The following NELL1 variants were observed in gnomAD, a reference collection of about 807,000 sequenced individuals.
NELL1 encodes neural EGFL like 1, also known as protein kinase C-binding protein NELL1.
A neutral mutation model predicts 107.4 loss-of-function variants in NELL1; 76 were observed. The ratio of observed to expected loss-of-function variants is 0.71; its 90% CI spans 0.59 to 0.86. NELL1 has a LOEUF of 0.86. Ranked by LOEUF, NELL1 falls within the 40% of genes least tolerant of loss-of-function variation. NELL1 has a pLI of 0.00. For synonymous variants in NELL1, 353 were observed against 341.2 expected (o/e 1.03, Z -0.38); for missense variants, 1,024 against 1,005.5 (o/e 1.02, Z -0.25).
chr11:21,203,789 T>C (rs1457762253), intron 13 of NELL1, among the ~76,000 whole-genome samples: 2 of 152,212 alleles, frequency 1.3e-5, no homozygotes, highest in African/African-American at 4.8e-5. Context: ...TCAGGAACTC[T>C]TGTAAGGCCG....
intron 7 of NELL1, among the ~76,000 whole-genome samples, chr11:20,925,853 T>C (rs1850485091): frequency 1.3e-5 from 2 of 152,216 alleles, no homozygotes; most frequent in Admixed American, 1.3e-4. Flanking sequence ...AGGTTAGAAT[T>C]ACATGTGGAT....
chr11:21,173,649 C>T (rs1347163010), intron 13 of NELL1, among the ~76,000 whole-genome samples: 1 of 151,838 alleles, frequency 6.6e-6, no homozygotes, highest in Non-Finnish European at 1.5e-5. Context: ...GAGGCAAGCA[C>T]ATGAACAGAT....
At position 20,755,234 on chromosome 11, in the gene NELL1, A is replaced by T. The variant is rs1037059543; in HGVS notation, c.185-28446A>T. Among the ~76,000 whole-genome samples the T allele has an allele frequency of 5.2e-4, 79 of 152,292 alleles. 1 individual carries two copies. The highest frequency in any genetic ancestry group is 9.8e-4 in the Non-Finnish European group (67 of 68,026). ...TAAAAACCCAGCTCATTTTGACTGA[A>T]GCAGGCAGAAAACTAGCTGAGAGAA... On this transcript the variant is annotated intron_variant, in intron 2 of 19. Transcript: ENST00000357134.
At chr11:20,704,427 C>G (rs552216334) in intron 2 of NELL1, among the ~76,000 whole-genome samples, 25 of 152,262 alleles carry the variant, frequency 1.6e-4, no homozygotes, top group African/African-American at 4.8e-4. Context: ...CTCCTGAACA[C>G]AGCACACTGA....
intron 3 of NELL1, among the ~76,000 whole-genome samples, chr11:20,801,117 G>A (rs1358099757): frequency 1.3e-5 from 2 of 152,166 alleles, no homozygotes; most frequent in Non-Finnish European, 2.9e-5. Flanking sequence ...AAGGTCATGT[G>A]TCAATTGCTG....
chr11:20,763,348 G>A (rs948783035), intron 2 of NELL1, among the ~76,000 whole-genome samples: 2 of 152,110 alleles, frequency 1.3e-5, no homozygotes, highest in Admixed American at 6.5e-5. Context: ...AAGTGAGAGC[G>A]ACATTTTCAA....
intron 15 of NELL1, among the ~76,000 whole-genome samples, chr11:21,423,945 C>G (rs1379298827): frequency 6.6e-6 from 1 of 152,160 alleles, no homozygotes; most frequent in Admixed American, 6.5e-5. Context: ...AAAAGCATAA[C>G]ACACCCAAAG....
At chr11:21,449,981 G>T (rs188869215) in intron 15 of NELL1, among the ~76,000 whole-genome samples, 1 of 152,262 alleles carries the variant, frequency 6.6e-6, no homozygotes, top group East Asian at 1.9e-4. Context: ...GGTAGAGTTA[G>T]CCCTCTTTGT....
intron 2 of NELL1, among the ~76,000 whole-genome samples, chr11:20,715,016 G>T (rs1855207765): frequency 6.6e-6 from 1 of 152,114 alleles, no homozygotes; most frequent in Non-Finnish European, 1.5e-5. Flanking sequence ...GGCCAAGGCG[G>T]GCGGATCACG....
intron 13 of NELL1, among the ~76,000 whole-genome samples, chr11:21,129,870 C>A (rs1476969517): frequency 6.6e-6 from 1 of 152,040 alleles, no homozygotes. Context: ...TGCTTAATAC[C>A]ACTGAATTGT....
intron 14 of NELL1, among the ~76,000 whole-genome samples, chr11:21,268,075 C>G (rs10833485): frequency 3.6e-4 from 54 of 152,082 alleles, no homozygotes; most frequent in African/African-American, 1.3e-3. Flanking sequence ...TGCTGCCCCC[C>G]AAACTGGAAA....
At chr11:20,729,456 C>A (rs1316449979) in intron 2 of NELL1, among the ~76,000 whole-genome samples, 3 of 151,930 alleles carry the variant, frequency 2.0e-5, no homozygotes, top group Non-Finnish European at 1.5e-5. Flanking sequence ...TCATAGATGG[C>A]TTTTATTATT....
intron 2 of NELL1, among the ~76,000 whole-genome samples, chr11:20,776,514 G>A (rs1359360751): frequency 6.6e-6 from 1 of 151,816 alleles, no homozygotes; most frequent in African/African-American, 2.4e-5. Flanking sequence ...GATTACACAT[G>A]TAAATGATTC....
chr11:20,968,033 G>A (rs1851421203), intron 12 of NELL1, among the ~76,000 whole-genome samples: 1 of 152,110 alleles, frequency 6.6e-6, no homozygotes, highest in Middle Eastern at 3.2e-3. Context: ...TTCCAAATCT[G>A]CTTTCCAGGC....
At chr11:21,076,518 C>T (rs967174441) in intron 12 of NELL1, among the ~76,000 whole-genome samples, 2 of 152,190 alleles carry the variant, frequency 1.3e-5, no homozygotes, top group Non-Finnish European at 2.9e-5. Flanking sequence ...AAAAATCCTT[C>T]TCAGACTCAC....
At chr11:21,154,508 A>C (rs1357342060) in intron 13 of NELL1, among the ~76,000 whole-genome samples, 1 of 152,206 alleles carries the variant, frequency 6.6e-6, no homozygotes, top group African/African-American at 2.4e-5. Context: ...TCCAGAGATG[A>C]ATAAACCACA....
chr11:21,513,453 TATA>T (rs1283181237), intron 15 of NELL1, among the ~76,000 whole-genome samples: 1 of 152,208 alleles, frequency 6.6e-6, no homozygotes, highest in Non-Finnish European at 1.5e-5. Flanking sequence ...TTTGCCAGAC[TATA>T]ATAACTATTA....
chr11:21,144,465 A>G (rs533177344), intron 13 of NELL1, among the ~76,000 whole-genome samples: 4 of 152,270 alleles, frequency 2.6e-5, no homozygotes, highest in African/African-American at 7.2e-5. Context: ...CAATGCATAT[A>G]AAGCTTTAGG....
chr11:21,389,239 C>A (rs577282792), intron 15 of NELL1, among the ~76,000 whole-genome samples: 54 of 151,748 alleles, frequency 3.6e-4, no homozygotes, highest in Non-Finnish European at 6.9e-4. Context: ...TGTTAATAAT[C>A]ACACAGCTGT....
Sources: allele counts gnomAD v4.1 joint callset (sites outside exome capture counted in the v4.1 genomes callset), GRCh38; gene constraint gnomAD v4.1.1; transcripts MANE v1.5; gene names NCBI Gene and HGNC (gene_info 2026-07-23, HGNC 2026-07-21).